RFX4: variants seen among roughly 807,000 people sequenced by gnomAD.
RFX4 encodes regulatory factor X4, also known as transcription factor RFX4.
RFX4 carries 10 observed loss-of-function variants against 95.0 expected under a neutral mutation model. The ratio of observed to expected loss-of-function variants is 0.11; its 90% confidence interval spans 0.06 to 0.18. The LOEUF is 0.18. Among genes scored for constraint, RFX4 ranks in the 10% least tolerant of loss-of-function variants. The pLI, the probability that RFX4 is intolerant of heterozygous loss-of-function variation, is 1.00. For missense variants in RFX4, 640 were observed against 922.0 expected, an observed-to-expected ratio of 0.69 and a Z score of 3.96; for synonymous variants, 321 against 340.7, an observed-to-expected ratio of 0.94 and a Z score of 0.64.
intron 17 of RFX4, among the ~76,000 whole-genome samples, chr12:106,755,928 A>G (rs919715582): frequency 1.3e-5 from 2 of 152,242 alleles, no homozygotes; most frequent in African/African-American, 4.8e-5. Flanking sequence ...TGATACATCT[A>G]TGAAGTGCAG....
chr12:106,684,051 A>G (rs564658171), intron 5 of RFX4, among the ~76,000 whole-genome samples: 13 of 152,304 alleles, frequency 8.5e-5, no homozygotes, highest in African/African-American at 3.1e-4. Flanking sequence ...CTCCCTTGGC[A>G]AATTGACAAT....
In RFX4 at chr12:106,608,854, C is replaced by A. The variant is rs1390407338; in HGVS notation, c.101C>A (p.Thr34Lys). The A allele has an allele frequency of 6.2e-7, 1 of 1,612,168 alleles. No homozygotes were observed. The highest frequency in any genetic ancestry group is 1.7e-5 in the Admixed American group (1 of 59,782). ...ESENKRYSSH[T>K]SLGNVSNDEN... ...GAAAACAAACGTTATTCCAGCCACA[C>A]ATCTCTGGGGAATGTTTCTAATGAT... Residue 34 changes from threonine (T) to lysine (K), a missense_variant, in exon 2 of 18, where the codon ACA (threonine) becomes AAA (lysine). Thr to Lys is a moderately conservative substitution (Grantham distance 78, BLOSUM62 -1). This residue lies in a region of RFX4 where 63 missense variants were observed against 68.8 expected (regional missense o/e 0.92). Transcript: ENST00000392842.
chr12:106,650,874 CTGA>C (rs1400837802), intron 3 of RFX4, among the ~76,000 whole-genome samples: 1 of 152,154 alleles, frequency 6.6e-6, no homozygotes, highest in Non-Finnish European at 1.5e-5. Flanking sequence ...ATTGTTGTTA[CTGA>C]TGATATTATT....
chr12:106,735,925 A>G (rs1216211491), intron 15 of RFX4, among the ~76,000 whole-genome samples: 1 of 152,236 alleles, frequency 6.6e-6, no homozygotes, highest in African/African-American at 2.4e-5. Context: ...GGCTGGAAGT[A>G]TCAGGGAAGA....
chr12:106,755,250 C>A (rs1022892965), intron 17 of RFX4, among the ~76,000 whole-genome samples: 1 of 152,274 alleles, frequency 6.6e-6, no homozygotes, highest in Non-Finnish European at 1.5e-5. Context: ...GCACATGCCA[C>A]CAAGCCCAGC....
intron 1 of RFX4, among the ~76,000 whole-genome samples, chr12:106,608,061 CG>C (rs2039874959): frequency 6.6e-6 from 1 of 152,062 alleles, no homozygotes; most frequent in South Asian, 2.1e-4. Context: ...AACTTGGTGG[CG>C]GGTGCCTTCC....
chr12:106,681,955 C>G, intron 4 of RFX4, 38 bp from the exon 5 acceptor site: 1 of 1,611,184 alleles, frequency 6.2e-7, no homozygotes, highest in Non-Finnish European at 8.5e-7. Context: ...GCTCCCAACT[C>G]TTCCCAATGG....
intron 3 of RFX4, among the ~76,000 whole-genome samples, chr12:106,641,851 C>T (rs554417784): frequency 1.3e-5 from 2 of 152,154 alleles, no homozygotes; most frequent in East Asian, 3.9e-4. Flanking sequence ...TTGCTAGCTC[C>T]TTGTTCTAGG....
At chr12:106,695,647 A>G (rs1008357431) in intron 7 of RFX4, among the ~76,000 whole-genome samples, 1 of 152,198 alleles carries the variant, frequency 6.6e-6, no homozygotes, top group African/African-American at 2.4e-5. Flanking sequence ...TCATGTGCCC[A>G]CATAGCTTAC....
chr12:106,698,383 A>G (rs2041922293), intron 8 of RFX4, among the ~76,000 whole-genome samples: 1 of 151,932 alleles, frequency 6.6e-6, no homozygotes, highest in Non-Finnish European at 1.5e-5. Context: ...GGTTCAAGTG[A>G]TCCTCCTGCC....
rs139795109 is a variant in RFX4 at position 106,616,138 on chromosome 12, A to G, written c.130+7255A>G. Among the ~76,000 whole-genome samples the G allele has an allele frequency of 3.9e-4, 60 of 152,284 alleles. 1 individual carries two copies. In the East Asian group the frequency reaches 0.01, roughly 26 times the overall value. The stretch of plus-strand genomic sequence containing the variant: ...TATCAGGTTGAGAAAATTCCCTTCT[A>G]TCTTTGGTTTTCTGAGAGACTTTTC... On this transcript the variant is annotated intron_variant, in intron 2 of 17. Coordinates refer to ENST00000392842, the MANE Select transcript of RFX4 (RefSeq NM_213594.3).
intron 15 of RFX4, among the ~76,000 whole-genome samples, chr12:106,736,377 A>G (rs1389140193): frequency 6.6e-6 from 1 of 152,170 alleles, no homozygotes; most frequent in African/African-American, 2.4e-5. Flanking sequence ...GACCCAATGA[A>G]TCAGAAACTC....
intron 2 of RFX4, among the ~76,000 whole-genome samples, chr12:106,632,305 C>T (rs1329925357): frequency 1.3e-5 from 2 of 152,098 alleles, no homozygotes; most frequent in Non-Finnish European, 2.9e-5. Context: ...TAAAGCAGAC[C>T]ACTGCTCTCC....
At chr12:106,649,197 A>G (rs1292589479) in intron 3 of RFX4, among the ~76,000 whole-genome samples, 2 of 152,188 alleles carry the variant, frequency 1.3e-5, no homozygotes, top group Non-Finnish European at 2.9e-5. Flanking sequence ...TTCATCAGAT[A>G]TGAAGAAGAA....
At chr12:106,715,214 A>G in intron 10 of RFX4, 186 bp from the exon 11 acceptor site, 1 of 631,906 alleles carries the variant, frequency 1.6e-6, no homozygotes, top group Non-Finnish European at 2.6e-6. Flanking sequence ...GAACCATAGG[A>G]GAAAACAGTG....
chr12:106,665,875 G>C (rs1451447951), intron 4 of RFX4, among the ~76,000 whole-genome samples: 1 of 151,620 alleles, frequency 6.6e-6, no homozygotes, highest in Non-Finnish European at 1.5e-5. Flanking sequence ...CAAGTACTTT[G>C]TTGCCATTAT....
Position 106,723,377 on chromosome 12 carries a change from G to T in RFX4, c.1351+2501G>T, listed in dbSNP as rs80272159. 4.3e-4 allele frequency among the ~76,000 whole-genome samples: 66 copies of T among 152,254 alleles called. No individual in the cohort carries two copies. In the East Asian group the frequency reaches 0.012, roughly 29 times the overall value. The stretch of plus-strand genomic sequence containing the variant: ...GACTGATCTGATTTCAGTTCCTAGA[G>T]TACCTAGATCTCAAGTTGGTGCCAG... On this transcript the variant is annotated intron_variant, in intron 13 of 17. Coordinates refer to ENST00000392842, the MANE Select transcript of RFX4 (RefSeq NM_213594.3).
At chr12:106,624,880 A>T (rs2137245724) in intron 2 of RFX4, among the ~76,000 whole-genome samples, 1 of 152,258 alleles carries the variant, frequency 6.6e-6, no homozygotes, top group Non-Finnish European at 1.5e-5. Context: ...GGCCTGCCAT[A>T]GAGTGTATCT....
chr12:106,706,799 G>C (rs1006911415), intron 8 of RFX4, among the ~76,000 whole-genome samples: 1 of 152,184 alleles, frequency 6.6e-6, no homozygotes, highest in African/African-American at 2.4e-5. Context: ...ACCTTGTTTG[G>C]ATCCTGATTC....
Sources: allele counts gnomAD v4.1 joint callset (sites outside exome capture counted in the v4.1 genomes callset), GRCh38; gene constraint gnomAD v4.1.1; regional missense constraint gnomAD v4.1.1; transcripts MANE v1.5; gene names NCBI Gene and HGNC (gene_info 2026-07-23, HGNC 2026-07-21).